The following PXDNL variants were observed in gnomAD, a reference collection of about 807,000 sequenced individuals.
PXDNL encodes the protein peroxidasin like.
A neutral mutation model predicts 150.8 loss-of-function variants in PXDNL; 145 were observed. The ratio of observed to expected loss-of-function variants is 0.96; its 90% confidence interval spans 0.84 to 1.10. The LOEUF (loss-of-function observed/expected upper bound fraction) is 1.10. Ranked by LOEUF, PXDNL falls within the 50% of genes least tolerant of loss-of-function variation. The pLI, the probability that PXDNL is intolerant of heterozygous loss-of-function variation, is 0.00. For synonymous variants in PXDNL, 757 were observed against 725.7 expected, an observed-to-expected ratio of 1.04 and a Z score of -0.69; for missense variants, 2,087 against 1,873.9, an observed-to-expected ratio of 1.11 and a Z score of -2.10.
At chr8:51,578,084 AAG>A (rs1355971727) in intron 3 of PXDNL, among the ~76,000 whole-genome samples, 9 of 135,450 alleles carry the variant, frequency 6.6e-5, no homozygotes, top group Non-Finnish European at 1.4e-4. Flanking sequence ...AAGAAAGAAA[AAG>A]AGAAAGAAAG....
chr8:51,444,050 CAA>C (rs1257992500), intron 12 of PXDNL, among the ~76,000 whole-genome samples: 2 of 152,204 alleles, frequency 1.3e-5, no homozygotes, highest in Non-Finnish European at 2.9e-5. Flanking sequence ...CTTTATCACA[CAA>C]ACTACTGAAA....
At chr8:51,732,128 T>A (rs4637818) in intron 1 of PXDNL, among the ~76,000 whole-genome samples, 143,677 of 152,226 alleles carry the variant, frequency 0.94, 68,367 homozygotes, top group East Asian at 1. Context: ...CCTTTTAAAC[T>A]TAAGTTCCTA....
intron 1 of PXDNL, among the ~76,000 whole-genome samples, chr8:51,661,305 C>A (rs1815265261): frequency 6.6e-6 from 1 of 152,186 alleles, no homozygotes; most frequent in South Asian, 2.1e-4. Context: ...CCAGTATTAA[C>A]CTGCTGTGGT....
chr8:51,336,906 G>A (rs749274912), intron 21 of PXDNL, among the ~76,000 whole-genome samples: 7 of 152,062 alleles, frequency 4.6e-5, no homozygotes, highest in South Asian at 2.1e-4. Flanking sequence ...TCATTGAACC[G>A]TGTCCAGCCT....
intron 15 of PXDNL, 99 bp downstream of exon 15, chr8:51,413,051 C>T (rs901860103): frequency 5.6e-6 from 4 of 718,566 alleles, no homozygotes; most frequent in Non-Finnish European, 9.7e-6. Flanking sequence ...AGAAAGCACT[C>T]TATTGCATAT....
At chr8:51,805,916 T>C (rs2037670532) in intron 1 of PXDNL, among the ~76,000 whole-genome samples, 1 of 152,226 alleles carries the variant, frequency 6.6e-6, no homozygotes, top group African/African-American at 2.4e-5. Context: ...TTCTGATTAC[T>C]GAACAGGCTC....
chr8:51,541,242 G>A (rs1325059231), intron 4 of PXDNL, among the ~76,000 whole-genome samples: 1 of 132,826 alleles, frequency 7.5e-6, no homozygotes, highest in Non-Finnish European at 1.5e-5. Flanking sequence ...TGGCGACAGA[G>A]TGAGACTCCA....
At position 51,529,551 on chromosome 8, in the gene PXDNL, T is replaced by G. The variant is rs145918971; in HGVS notation, c.380+27289A>C. Reference sequence around the variant, plus strand: ...ACCTCTCGATCTCCAGATGTCTGGGTGAATTGGGATTCAAACATTAAATCT... The same window carrying G: ...ACCTCTCGATCTCCAGATGTCTGGGGGAATTGGGATTCAAACATTAAATCT... On this transcript the variant is annotated intron_variant, in intron 4 of 22. Transcript: ENST00000356297. 5.1e-4 allele frequency among the ~76,000 whole-genome samples: 78 copies of G among 152,324 alleles called. 1 individual carries two copies. The highest frequency in any genetic ancestry group is 1.9e-3 in the African/African-American group (77 of 41,572).
At chr8:51,334,693 A>G (rs1207007287) in intron 21 of PXDNL, among the ~76,000 whole-genome samples, 1 of 152,154 alleles carries the variant, frequency 6.6e-6, no homozygotes, top group Non-Finnish European at 1.5e-5. Flanking sequence ...ATGAACACCT[A>G]TACACATATA....
intron 2 of PXDNL, among the ~76,000 whole-genome samples, chr8:51,614,485 T>A (rs1814091709): frequency 6.6e-6 from 1 of 152,198 alleles, no homozygotes; most frequent in Admixed American, 6.5e-5. Context: ...TTTCCCTTTT[T>A]CGCCCATAAA....
chr8:51,655,597 A>G (rs1815133359), intron 1 of PXDNL, among the ~76,000 whole-genome samples: 2 of 152,124 alleles, frequency 1.3e-5, no homozygotes, highest in Non-Finnish European at 2.9e-5. Flanking sequence ...CATTATGGTA[A>G]AGACGTCAAG....
intron 17 of PXDNL, among the ~76,000 whole-genome samples, chr8:51,403,588 T>C (rs556083245): frequency 4.6e-5 from 7 of 152,324 alleles, no homozygotes; most frequent in African/African-American, 1.7e-4. Flanking sequence ...CTCACACATA[T>C]CACACGGGCC....
intron 1 of PXDNL, among the ~76,000 whole-genome samples, chr8:51,791,776 A>G (rs1354735581): frequency 6.6e-6 from 1 of 152,216 alleles, no homozygotes; most frequent in Non-Finnish European, 1.5e-5. Flanking sequence ...GAAAAATTCA[A>G]TAGTGGATAT....
intron 4 of PXDNL, among the ~76,000 whole-genome samples, chr8:51,533,561 C>G (rs1811960574): frequency 7.0e-6 from 1 of 142,560 alleles, no homozygotes; most frequent in Non-Finnish European, 1.5e-5. Context: ...CTGGACGGTA[C>G]TGCTGCCATC....
At chr8:51,486,792 ATATTTTTTTTTTTTT>A (rs1280824838) in intron 5 of PXDNL, among the ~76,000 whole-genome samples, 294 of 23,412 alleles carry the variant, frequency 0.013, no homozygotes, top group Admixed American at 0.014. Flanking sequence ...ATATATATAT[ATATTTTTTTTTTTTT>A]TTTTTTTTTT....
rs28474718 is a variant in PXDNL at position 51,616,084 on chromosome 8, G to A, written c.237-23386C>T. The stretch of plus-strand genomic sequence containing the variant: ...ACATACAAAAGTATCTGGCAGGTGG[G>A]GTGGAGCCCATGCCTGAGATGGACT... On this transcript the variant is annotated intron_variant, in intron 2 of 22. Transcript: ENST00000356297. Among the ~76,000 whole-genome samples, 385 of 152,302 alleles carry A rather than the reference G, an allele frequency of 2.5e-3. 4 individuals are homozygous for A. Among genetic ancestry groups the A allele is most frequent in the African/African-American group, 8.9e-3 (371 of 41,552 alleles).
At chr8:51,710,036 G>A (rs111930813) in intron 1 of PXDNL, among the ~76,000 whole-genome samples, 87 of 152,254 alleles carry the variant, frequency 5.7e-4, no homozygotes, top group African/African-American at 1.8e-3. Context: ...TTTTTAGCCA[G>A]AGGAGCCAAT....
intron 1 of PXDNL, among the ~76,000 whole-genome samples, chr8:51,804,090 T>A (rs1035954034): frequency 2.0e-5 from 3 of 152,226 alleles, no homozygotes; most frequent in Non-Finnish European, 4.4e-5. Context: ...TTCGGTTTTA[T>A]ACATTTTAGG....
intron 17 of PXDNL, among the ~76,000 whole-genome samples, chr8:51,378,214 G>A (rs1011958853): frequency 1.4e-4 from 21 of 151,872 alleles, no homozygotes; most frequent in Non-Finnish European, 2.9e-4. Flanking sequence ...TCAGCACTCT[G>A]TATCTAGCTA....
Sources: allele counts gnomAD v4.1 joint callset (sites outside exome capture counted in the v4.1 genomes callset), GRCh38; gene constraint gnomAD v4.1.1; transcripts MANE v1.5; gene names NCBI Gene and HGNC (gene_info 2026-07-23, HGNC 2026-07-21).